The following TCF20 variants were observed in gnomAD, a reference collection of about 807,000 sequenced individuals.
The protein encoded by TCF20 is transcription factor 20, also known as SPRE-binding protein.
In TCF20, 3 loss-of-function variants were observed where a neutral mutation model predicts 148.6. The ratio of observed to expected loss-of-function variants is 0.02; its 90% CI spans 0.01 to 0.05. The LOEUF (loss-of-function observed/expected upper bound fraction) is 0.05, where lower values mean the gene tolerates loss of function less well. Among genes scored for constraint, TCF20 ranks in the 10% least tolerant of loss-of-function variants. The pLI is 1.00. For missense variants in TCF20, 2,350 were observed against 2,429.3 expected (o/e 0.97, Z 0.69); for synonymous variants, 1,049 against 909.5 (o/e 1.15, Z -2.76).
intron 1 of TCF20, among the ~76,000 whole-genome samples, chr22:42,243,092 G>C (rs1341050607): frequency 6.6e-6 from 1 of 151,766 alleles, no homozygotes; most frequent in Non-Finnish European, 1.5e-5. Context: ...TCCTGGGATA[G>C]TGAAACAATT....
intron 1 of TCF20, among the ~76,000 whole-genome samples, chr22:42,218,693 C>A (rs1436137023): frequency 6.6e-6 from 1 of 152,104 alleles, no homozygotes; most frequent in Non-Finnish European, 1.5e-5. Flanking sequence ...GCCACTTGCT[C>A]CATATTCTTC....
chr22:42,188,432 A>G (rs1056703826), intron 2 of TCF20, among the ~76,000 whole-genome samples: 1 of 152,142 alleles, frequency 6.6e-6, no homozygotes, highest in Non-Finnish European at 1.5e-5. Flanking sequence ...CTTCAGAATC[A>G]TAAAGTGTAA....
At chr22:42,323,094 C>T (rs1038054657) in intron 1 of TCF20, among the ~76,000 whole-genome samples, 8 of 151,660 alleles carry the variant, frequency 5.3e-5, no homozygotes, top group East Asian at 3.9e-4. Flanking sequence ...TTAGTAGAAA[C>T]GGGGTTTCTC....
intron 3 of TCF20, among the ~76,000 whole-genome samples, chr22:42,175,450 C>T (rs1346372742): frequency 1.3e-5 from 2 of 152,108 alleles, no homozygotes; most frequent in Admixed American, 6.5e-5. Flanking sequence ...AAGCGATTCC[C>T]CTACCTCAGC....
intron 1 of TCF20, among the ~76,000 whole-genome samples, chr22:42,237,373 C>A (rs577110868): frequency 6.6e-6 from 1 of 152,328 alleles, no homozygotes; most frequent in African/African-American, 2.4e-5. Context: ...AATCCAGTCA[C>A]ATCTCCAGGC....
intron 2 of TCF20, among the ~76,000 whole-genome samples, chr22:42,193,953 T>A (rs988683811): frequency 4.0e-5 from 6 of 151,692 alleles, no homozygotes; most frequent in Non-Finnish European, 2.9e-5. Flanking sequence ...CTTTCAAGAG[T>A]GAGATTAGAA....
intron 5 of TCF20, among the ~76,000 whole-genome samples, chr22:42,162,111 G>C (rs1935505174): frequency 6.8e-6 from 1 of 146,724 alleles, no homozygotes; most frequent in African/African-American, 2.5e-5. Context: ...CTCCCAAATA[G>C]CTGGGATCAC....
Position 42,211,218 on chromosome 22 carries a change from T to G in TCF20, c.4088A>C (p.Asn1363Thr), listed in dbSNP as rs1252071337. Residue 1363 changes from asparagine to threonine, a missense_variant, in exon 2 of 6, where the codon AAT (asparagine) becomes ACT (threonine). This residue lies in a region of TCF20 where 231 missense variants were observed against 213.7 expected (regional missense o/e 1.08). Coordinates refer to ENST00000677622, the MANE Select transcript of TCF20 (RefSeq NM_001378418.1). ...EAIVQKITSP[N>T]IRRSASSNSA... ...GTTCGAAGATGCGCTCCTCCTAATA[T>G]TTGGGGATGTAATCTTCTGAACTAT... The G allele has an allele frequency of 3.1e-6, 5 of 1,614,042 alleles. No homozygotes were observed. The South Asian group carries it at 5.5e-5, about 18-fold the overall frequency.
intron 2 of TCF20, among the ~76,000 whole-genome samples, chr22:42,201,148 T>G (rs1320862748): frequency 6.6e-6 from 1 of 152,188 alleles, no homozygotes; most frequent in African/African-American, 2.4e-5. Context: ...GCTCCCCCTC[T>G]ACCTCCCTCC....
intron 1 of TCF20, among the ~76,000 whole-genome samples, chr22:42,302,649 A>G (rs1010809281): frequency 2.6e-5 from 4 of 152,150 alleles, no homozygotes; most frequent in Non-Finnish European, 5.9e-5. Flanking sequence ...CAGGGCAGGG[A>G]GAAGGAGGAA....
At chr22:42,250,693 C>T (rs970543190) in intron 1 of TCF20, among the ~76,000 whole-genome samples, 1 of 152,128 alleles carries the variant, frequency 6.6e-6, no homozygotes. Context: ...ATTAAACTTG[C>T]AAAATACATT....
chr22:42,231,276 A>G (rs1446633951), intron 1 of TCF20, among the ~76,000 whole-genome samples: 1 of 152,190 alleles, frequency 6.6e-6, no homozygotes, highest in East Asian at 1.9e-4. Flanking sequence ...TGATGCCAGG[A>G]GTTTGAGACC....
In TCF20 at chr22:42,211,716, G is replaced by A. The variant is rs1435149068; in HGVS notation, c.3590C>T (p.Pro1197Leu). 2 of 1,614,076 alleles carry A rather than the reference G, an allele frequency of 1.2e-6. No homozygotes were observed. Among genetic ancestry groups the A allele is most frequent in the African/African-American group, 2.7e-5 (2 of 74,920 alleles). ...TCCTGGAGGACCGCTGCTTTTGGCT[G>A]GAGAAGTTTGCCGAGAAAGATCCCA... Reference protein sequence around the residue: ...SCWDLSRQTSPAKSSGPPGMS... With the variant: ...SCWDLSRQTSLAKSSGPPGMS... The change falls in exon 2 of 6, where the codon CCA (proline) becomes CTA (leucine). Residue 1197 changes from proline to leucine, a missense_variant. Pro to Leu is a moderately conservative substitution (Grantham distance 98). Coordinates refer to ENST00000677622, the MANE Select transcript of TCF20 (RefSeq NM_001378418.1).
chr22:42,174,872 A>T (rs1489069749), intron 3 of TCF20, among the ~76,000 whole-genome samples: 1 of 152,084 alleles, frequency 6.6e-6, no homozygotes, highest in Non-Finnish European at 1.5e-5. Flanking sequence ...CGTCTCTACT[A>T]AAAACAGAAA....
chr22:42,211,948 G>A lies in TCF20; in HGVS notation c.3358C>T (p.Arg1120Trp), dbSNP rs779463136. ...AACTGCTGCTGCCTTGGACTCTTCC[G>A]TGGCCCCTCCTGCCTGTGCTGTGCT... ...AAAQHRQEGP[R>W]KSPRQQQFLD... The change falls in exon 2 of 6, where the codon CGG (arginine) becomes TGG (tryptophan). Residue 1120 changes from arginine (R) to tryptophan (W), a missense_variant. By Grantham distance (101) the Arg-to-Trp change is moderately radical (BLOSUM62 -3). Coordinates refer to ENST00000677622, the MANE Select transcript of TCF20 (RefSeq NM_001378418.1). 44 of 1,614,026 alleles carry A rather than the reference G, an allele frequency of 2.7e-5. No individual in the cohort carries two copies. Among genetic ancestry groups the A allele is most frequent in the Non-Finnish European group, 3.7e-5 (44 of 1,180,040 alleles).
intron 2 of TCF20, among the ~76,000 whole-genome samples, chr22:42,190,715 G>A (rs937030431): frequency 6.6e-6 from 1 of 152,132 alleles, no homozygotes; most frequent in Non-Finnish European, 1.5e-5. Context: ...TATTTAGAGC[G>A]TATTTTACAG....
At chr22:42,289,326 C>T (rs573841057) in intron 1 of TCF20, among the ~76,000 whole-genome samples, 3 of 152,216 alleles carry the variant, frequency 2.0e-5, no homozygotes, top group Non-Finnish European at 2.9e-5. Flanking sequence ...TGGGAGGTTC[C>T]GAACACCAGA....
intron 2 of TCF20, among the ~76,000 whole-genome samples, chr22:42,197,442 C>G (rs529766386): frequency 3.7e-4 from 57 of 152,040 alleles, no homozygotes; most frequent in Admixed American, 3.3e-3. Flanking sequence ...CCTGCCTCAG[C>G]CTCCAGAGTA....
rs900324139 is a variant in TCF20 at position 42,338,680 on chromosome 22, C to G, written c.-37+4799G>C. Among the ~76,000 whole-genome samples, 6 of 152,230 alleles carry G rather than the reference C, an allele frequency of 3.9e-5. No individual in the cohort carries two copies. Among genetic ancestry groups the G allele is most frequent in the African/African-American group, 1.4e-4 (6 of 41,450 alleles). ...TGCCAGCTCCTGCGACGGAGGCTGCCAGGCGGGACGGGCTGGGCACGGCAC... is the reference window on the plus strand; with the variant it reads ...TGCCAGCTCCTGCGACGGAGGCTGCGAGGCGGGACGGGCTGGGCACGGCAC... On this transcript the variant is annotated intron_variant, in intron 1 of 1. Transcript: ENST00000515426. This position sits in a 1 kb window ranked among gnomAD's most constrained non-coding sequence, Gnocchi z 4.0.
Sources: allele counts gnomAD v4.1 joint callset (sites outside exome capture counted in the v4.1 genomes callset), GRCh38; gene constraint gnomAD v4.1.1; regional missense constraint gnomAD v4.1.1; non-coding constraint Gnocchi (gnomAD v3.1); transcripts MANE v1.5; gene names NCBI Gene and HGNC (gene_info 2026-07-23, HGNC 2026-07-21).